TMEM178B: variants seen among roughly 807,000 people sequenced by gnomAD.
TMEM178B encodes transmembrane protein 178B.
In TMEM178B, 5 loss-of-function variants were observed where a neutral mutation model predicts 31.0. The ratio of observed to expected loss-of-function variants is 0.16; its 90% CI spans 0.08 to 0.34. The LOEUF (loss-of-function observed/expected upper bound fraction) is 0.34. Among genes scored for constraint, TMEM178B ranks in the 10% least tolerant of loss-of-function variants. TMEM178B has a pLI of 1.00. For missense variants in TMEM178B, 275 were observed against 400.3 expected, an observed-to-expected ratio of 0.69 and a Z score of 2.67; for synonymous variants, 164 against 164.0, an observed-to-expected ratio of 1.00 and a Z score of 0.00.
At chr7:141,162,582 G>C (rs1018715886) in intron 1 of TMEM178B, among the ~76,000 whole-genome samples, 1 of 152,188 alleles carries the variant, frequency 6.6e-6, no homozygotes, top group Non-Finnish European at 1.5e-5. Flanking sequence ...ATCTAATTTA[G>C]TTTCTTACCA....
At chr7:141,503,175 G>T in the TMEM178B span, among the ~76,000 whole-genome samples, 3 of 152,280 alleles carry the variant, frequency 2.0e-5, no homozygotes, top group African/African-American at 4.8e-5. Context: ...TATTTTACAC[G>T]TGGAGTCAAC....
chr7:141,168,171 C>T (rs1226735191), intron 1 of TMEM178B, among the ~76,000 whole-genome samples: 4 of 152,178 alleles, frequency 2.6e-5, no homozygotes, highest in South Asian at 2.1e-4. Flanking sequence ...GATGGATCAC[C>T]TACCTAGCTG....
At chr7:141,348,795 T>C (rs1275082117) in intron 2 of TMEM178B, among the ~76,000 whole-genome samples, 6 of 152,210 alleles carry the variant, frequency 3.9e-5, no homozygotes, top group Non-Finnish European at 1.5e-5. Flanking sequence ...ATATCTTTAG[T>C]CTAGTTAAGC....
chr7:141,419,873 A>G (rs1801171254), intron 2 of TMEM178B, among the ~76,000 whole-genome samples: 1 of 152,234 alleles, frequency 6.6e-6, no homozygotes, highest in South Asian at 2.1e-4. Flanking sequence ...GCTCTAAGTC[A>G]GCATGTTATA....
chr7:141,243,956 C>T lies in TMEM178B; in HGVS notation c.496+31252C>T, dbSNP rs563837412. 3.9e-5 allele frequency among the ~76,000 whole-genome samples: 6 copies of T among 152,256 alleles called. No individual in the cohort carries two copies. The South Asian group carries it at 6.2e-4, about 16-fold the overall frequency. On this transcript the variant is annotated intron_variant, in intron 2 of 3. Transcript: ENST00000565468. ...TCCTCCACAATGCCTGCCCTCATGACGGTCCAGTATTCATAGCCTTCCACT... is the reference window on the plus strand; with the variant it reads ...TCCTCCACAATGCCTGCCCTCATGATGGTCCAGTATTCATAGCCTTCCACT...
intron 1 of TMEM178B, among the ~76,000 whole-genome samples, chr7:141,195,634 A>C (rs538085418): frequency 6.6e-6 from 1 of 152,166 alleles, no homozygotes; most frequent in East Asian, 1.9e-4. Flanking sequence ...GCCTCTGCCT[A>C]TTACCCAGTT....
chr7:141,128,910 A>G (rs1795550285), intron 1 of TMEM178B, among the ~76,000 whole-genome samples: 1 of 152,202 alleles, frequency 6.6e-6, no homozygotes, highest in Non-Finnish European at 1.5e-5. Context: ...AATTGTAATT[A>G]AACACCATGA....
chr7:141,284,198 G>A (rs545708152), intron 2 of TMEM178B, among the ~76,000 whole-genome samples: 3 of 152,330 alleles, frequency 2.0e-5, no homozygotes, highest in East Asian at 3.9e-4. Flanking sequence ...AACATGCCAC[G>A]CGATTCGGGA....
intron 2 of TMEM178B, among the ~76,000 whole-genome samples, chr7:141,314,276 T>C (rs1798963879): frequency 6.6e-6 from 1 of 152,162 alleles, no homozygotes; most frequent in South Asian, 2.1e-4. Flanking sequence ...CTCTCACACA[T>C]CATTGGTACC....
intron 2 of TMEM178B, among the ~76,000 whole-genome samples, chr7:141,239,379 C>G: frequency 6.6e-6 from 1 of 152,126 alleles, no homozygotes; most frequent in East Asian, 1.9e-4. Flanking sequence ...TTGCAGCAAA[C>G]GTCTCAGTCA....
intron 3 of TMEM178B, among the ~76,000 whole-genome samples, chr7:141,458,380 G>A (rs944632286): frequency 1.3e-5 from 2 of 152,190 alleles, no homozygotes; most frequent in African/African-American, 2.4e-5. Flanking sequence ...ACTGGAGGCT[G>A]TAAACTCTTA....
chr7:141,304,677 T>A (rs912074511), intron 2 of TMEM178B, among the ~76,000 whole-genome samples: 20 of 152,138 alleles, frequency 1.3e-4, no homozygotes, highest in Admixed American at 1.1e-3. Flanking sequence ...TGCTGCATCA[T>A]CTTGATTTAG....
At chr7:141,102,571 A>T (rs529231399) in intron 1 of TMEM178B, among the ~76,000 whole-genome samples, 100 of 152,332 alleles carry the variant, frequency 6.6e-4, no homozygotes, top group Admixed American at 1.1e-3. Flanking sequence ...AGGCCAACAG[A>T]AACGTGCTAG....
At chr7:141,450,336 TA>T (rs1227405862) in intron 3 of TMEM178B, among the ~76,000 whole-genome samples, 2 of 152,222 alleles carry the variant, frequency 1.3e-5, no homozygotes, top group African/African-American at 4.8e-5. Flanking sequence ...AAGTACCTAC[TA>T]CGTCCTGGGT....
chr7:141,210,302 C>CA (rs1451345940), intron 1 of TMEM178B, among the ~76,000 whole-genome samples: 1 of 151,924 alleles, frequency 6.6e-6, no homozygotes, highest in Non-Finnish European at 1.5e-5. Context: ...CCATCTCTAC[C>CA]AAAAATACAA....
the TMEM178B span, among the ~76,000 whole-genome samples, chr7:141,489,410 C>A: frequency 1.3e-5 from 2 of 152,316 alleles, no homozygotes; most frequent in South Asian, 4.1e-4. Context: ...CGGTTGGCTT[C>A]TTCTCCATCA....
At position 141,074,066 on chromosome 7, in the gene TMEM178B, C is replaced by G. The variant is rs992804329; in HGVS notation, c.-245C>G. On this transcript the variant is annotated 5_prime_UTR_variant, in exon 1 of 4. Transcript: ENST00000565468. The surrounding 1 kb of genome is among the most constrained non-coding windows in gnomAD (Gnocchi z 5.1). ...GGTTCGCCGCCGCCGGAGGCTGCAC[C>G]TGCCTCAGAGGATGCCCAGGAGCCC... Among the ~76,000 whole-genome samples the G allele has an allele frequency of 6.6e-6, 1 of 152,152 alleles. No individual in the cohort carries two copies. The highest frequency in any genetic ancestry group is 6.5e-5 in the Admixed American group (1 of 15,282).
At chr7:141,415,604 C>G (rs1404218558) in intron 2 of TMEM178B, among the ~76,000 whole-genome samples, 2 of 152,132 alleles carry the variant, frequency 1.3e-5, no homozygotes, top group African/African-American at 4.8e-5. Context: ...AATCTAGTTA[C>G]TGTAGAGGCA....
chr7:141,169,653 T>C (rs1325472287), intron 1 of TMEM178B, among the ~76,000 whole-genome samples: 4 of 152,178 alleles, frequency 2.6e-5, no homozygotes, highest in African/African-American at 9.7e-5. Flanking sequence ...ATGGAGAAAA[T>C]AATCACTTGC....
Sources: gnomAD v4.1 joint callset for allele counts (sites outside exome capture counted in the v4.1 genomes callset) on GRCh38, gnomAD v4.1.1 for gene constraint, Gnocchi (gnomAD v3.1) non-coding constraint, MANE v1.5 for transcripts, NCBI Gene and HGNC (gene_info 2026-07-23, HGNC 2026-07-21) for gene names.